Variants in FAAH2 observed in about 807,000 individuals in gnomAD.
FAAH2 encodes the protein fatty acid amide hydrolase 2.
FAAH2 carries 60 observed loss-of-function variants against 36.9 expected under a neutral mutation model. The observed-to-expected ratio is 1.63, with a 90% CI of 1.32 to 2.02. The LOEUF (loss-of-function observed/expected upper bound fraction) is 2.02. Among genes scored for constraint, FAAH2 ranks in the 30% most tolerant of loss-of-function variants. FAAH2 has a pLI of 0.00. For synonymous variants in FAAH2, 214 were observed against 143.8 expected (o/e 1.49, Z -3.49); for missense variants, 689 against 397.5 (o/e 1.73, Z -6.23).
At chrX:57,131,795 AT>A in the FAAH2 span, among the ~76,000 whole-genome samples, 2 of 112,203 alleles carry the variant, frequency 1.8e-5, no homozygotes, top group Admixed American at 1.9e-4. Flanking sequence ...AATATAGGAA[AT>A]GAGTTATTAG....
chrX:57,377,370 C>T (rs2054710491), intron 5 of FAAH2, among the ~76,000 whole-genome samples: 1 of 112,228 alleles, frequency 8.9e-6, no homozygotes, highest in Non-Finnish European at 1.9e-5. Flanking sequence ...ATATGGCTAG[C>T]CAGTTTTCCC....
chrX:57,265,571 A>T, the FAAH2 span, among the ~76,000 whole-genome samples: 2 of 111,094 alleles, frequency 1.8e-5, no homozygotes, highest in Non-Finnish European at 3.8e-5. Context: ...TTACCAAAAC[A>T]TGGCCAGATT....
chrX:57,259,976 A>G, the FAAH2 span, among the ~76,000 whole-genome samples: 3 of 111,754 alleles, frequency 2.7e-5, no homozygotes, highest in Non-Finnish European at 5.7e-5. Context: ...ATCTAATAAT[A>G]TTTACCATTT....
intron 9 of FAAH2, among the ~76,000 whole-genome samples, chrX:57,447,562 A>T (rs2056701453): frequency 8.9e-6 from 1 of 112,461 alleles, no homozygotes; most frequent in Non-Finnish European, 1.9e-5. Context: ...ATCTGGGCAG[A>T]GGTTTCCAAA....
At chrX:57,125,753 A>T in the FAAH2 span, among the ~76,000 whole-genome samples, 1 of 112,220 alleles carries the variant, frequency 8.9e-6, no homozygotes, top group East Asian at 2.8e-4. Context: ...GTCTCCTATT[A>T]CTGAAATCTC....
intron 10 of FAAH2, among the ~76,000 whole-genome samples, chrX:57,469,677 T>A (rs2057122139): frequency 9.0e-6 from 1 of 111,436 alleles, no homozygotes; most frequent in African/African-American, 3.3e-5. Flanking sequence ...ACTGTCAACA[T>A]TAGACAGATC....
At chrX:57,299,444 T>C (rs2052265108) in intron 2 of FAAH2, among the ~76,000 whole-genome samples, 1 of 111,578 alleles carries the variant, frequency 9.0e-6, no homozygotes, top group Non-Finnish European at 1.9e-5. Context: ...TAGGTATTGA[T>C]GGGATGTATC....
chrX:57,225,159 G>T, the FAAH2 span, among the ~76,000 whole-genome samples: 1 of 109,066 alleles, frequency 9.2e-6, no homozygotes, highest in East Asian at 2.9e-4. Context: ...CTCTGATCTT[G>T]GTTATGTTCT....
At chrX:57,134,120 GAGAA>G in the FAAH2 span, among the ~76,000 whole-genome samples, 1 of 111,786 alleles carries the variant, frequency 8.9e-6, no homozygotes, top group Non-Finnish European at 1.9e-5. Flanking sequence ...AGGGGAGAAA[GAGAA>G]AGACACAGAT....
At chrX:57,313,344 G>T (rs1053444800) in intron 3 of FAAH2, among the ~76,000 whole-genome samples, 1 of 109,763 alleles carries the variant, frequency 9.1e-6, no homozygotes, top group Admixed American at 9.8e-5. Context: ...GTTGACACCA[G>T]TCTCGGTGAA....
At chrX:57,441,071 G>A (rs1569347374) in intron 8 of FAAH2, among the ~76,000 whole-genome samples, 2 of 110,876 alleles carry the variant, frequency 1.8e-5, no homozygotes, top group Non-Finnish European at 3.8e-5. Context: ...CTCTTTTTTT[G>A]TTGTTGTGTT....
intron 7 of FAAH2, among the ~76,000 whole-genome samples, chrX:57,420,963 C>A (rs749225294): frequency 8.9e-6 from 1 of 112,332 alleles, no homozygotes; most frequent in Non-Finnish European, 1.9e-5. Flanking sequence ...GCCTTTTCTG[C>A]ATCTATTGAG....
intron 7 of FAAH2, among the ~76,000 whole-genome samples, chrX:57,418,075 C>A (rs1020189687): frequency 9.0e-6 from 1 of 111,325 alleles, no homozygotes; most frequent in South Asian, 3.8e-4. Context: ...GGCCCTCCCT[C>A]CCCCCACCAT....
chrX:57,296,208 G>A (rs191206262), intron 2 of FAAH2, among the ~76,000 whole-genome samples: 2 of 111,552 alleles, frequency 1.8e-5, no homozygotes, highest in African/African-American at 3.3e-5. Flanking sequence ...CCCTCAGTAG[G>A]GCCAGACTGA....
chrX:57,388,865 C>T (rs2055091556), intron 7 of FAAH2, among the ~76,000 whole-genome samples: 1 of 110,203 alleles, frequency 9.1e-6, no homozygotes, highest in Non-Finnish European at 1.9e-5. Context: ...ATTATGTAAC[C>T]GTTTTATACT....
chrX:57,271,785 T>G, the FAAH2 span, among the ~76,000 whole-genome samples: 1 of 107,803 alleles, frequency 9.3e-6, no homozygotes, highest in African/African-American at 3.4e-5. Context: ...TCCACAAAGA[T>G]AGGAAAGAAA....
At chrX:57,373,951 C>A (rs1594504) in intron 5 of FAAH2, among the ~76,000 whole-genome samples, 59,887 of 110,219 alleles carry the variant, frequency 0.54, 14,379 homozygotes, top group Non-Finnish European at 0.74. Context: ...AGCCAATTAT[C>A]CCAGCTTTAT....
chrX:57,222,106 A>T, the FAAH2 span, among the ~76,000 whole-genome samples: 1 of 111,369 alleles, frequency 9.0e-6, no homozygotes, highest in Non-Finnish European at 1.9e-5. Flanking sequence ...TGAACCTGAG[A>T]GCTCACAACC....
At position 57,471,850 on chromosome X, in the gene FAAH2, A is replaced by ATT. The variant is rs1435284583; in HGVS notation, c.1424-16907_1424-16906insTT. Among the ~76,000 whole-genome samples the ATT allele has an allele frequency of 2.7e-5, 3 of 112,012 alleles. 1 individual carries two copies. In the Admixed American group the frequency reaches 2.9e-4, roughly 11 times the overall value. On this transcript the variant is annotated intron_variant, in intron 10 of 10. Transcript: ENST00000374900. ...CTACCTGACTTCAAACTATACTACA[A>ATT]GGCTACAGTAACCAAAACAGCATGG...
Sources: allele counts gnomAD v4.1 joint callset (sites outside exome capture counted in the v4.1 genomes callset), GRCh38; gene constraint gnomAD v4.1.1; transcripts MANE v1.5; gene names NCBI Gene and HGNC (gene_info 2026-07-23, HGNC 2026-07-21).